Variants in ARK2C observed in about 807,000 individuals in gnomAD.
The protein encoded by ARK2C is arkadia (RNF111) C-terminal like ring finger ubiquitin ligase 2C, also known as E3 ubiquitin-protein ligase ARK2C.
chr18:46,423,896 C>T, the ARK2C span, among the ~76,000 whole-genome samples: 909 of 152,322 alleles, frequency 6.0e-3, 7 homozygotes, highest in African/African-American at 0.021. Flanking sequence ...TCCTTTCCCT[C>T]GTTCCTCCTT....
At chr18:46,443,211 TTTG>T in the ARK2C span, among the ~76,000 whole-genome samples, 2 of 152,308 alleles carry the variant, frequency 1.3e-5, no homozygotes, top group East Asian at 3.9e-4. Context: ...TTGTTGTCAT[TTTG>T]TTGTTTTTCT....
At chr18:46,391,972 C>T in the ARK2C span, among the ~76,000 whole-genome samples, 2 of 151,706 alleles carry the variant, frequency 1.3e-5, no homozygotes, top group Non-Finnish European at 2.9e-5. Context: ...ACACACCATA[C>T]ACAACACACC....
the ARK2C span, among the ~76,000 whole-genome samples, chr18:46,428,877 G>A: frequency 1.3e-5 from 2 of 152,082 alleles, no homozygotes; most frequent in Non-Finnish European, 2.9e-5. Flanking sequence ...TAATTCTGTT[G>A]GACAGTGCTG....
chr18:46,351,970 A>G, the ARK2C span, among the ~76,000 whole-genome samples: 3 of 152,180 alleles, frequency 2.0e-5, no homozygotes, highest in South Asian at 4.1e-4. Context: ...AGGGGTGGGT[A>G]TATTTCCTGG....
chr18:46,445,083 G>T, the ARK2C span, among the ~76,000 whole-genome samples: 3 of 151,494 alleles, frequency 2.0e-5, no homozygotes, highest in African/African-American at 7.3e-5. Flanking sequence ...CATTTTTTTG[G>T]CATATCTAGT....
At chr18:46,381,839 A>AT in the ARK2C span, among the ~76,000 whole-genome samples, 2 of 151,698 alleles carry the variant, frequency 1.3e-5, no homozygotes, top group Non-Finnish European at 2.9e-5. Context: ...TCAAAAAAAA[A>AT]AAGATGCTTA....
At chr18:46,433,725 C>T in the ARK2C span, among the ~76,000 whole-genome samples, 1 of 152,246 alleles carries the variant, frequency 6.6e-6, no homozygotes, top group Non-Finnish European at 1.5e-5. Flanking sequence ...GCATCCACTT[C>T]AGGCAGTGAG....
chr18:46,352,359 C>G, the ARK2C span, among the ~76,000 whole-genome samples: 1 of 152,162 alleles, frequency 6.6e-6, no homozygotes, highest in African/African-American at 2.4e-5. Context: ...TCATCCTGTC[C>G]CAAGCTTATT....
chr18:46,447,129 G>T, the ARK2C span, among the ~76,000 whole-genome samples: 1 of 152,176 alleles, frequency 6.6e-6, no homozygotes, highest in Admixed American at 6.5e-5. Flanking sequence ...TGGCCTGTAG[G>T]TCTAGGTGTA....
At chr18:46,427,928 G>A in the ARK2C span, among the ~76,000 whole-genome samples, 1 of 152,128 alleles carries the variant, frequency 6.6e-6, no homozygotes, top group Non-Finnish European at 1.5e-5. Flanking sequence ...GAGGAGACAC[G>A]GACCTTTCGA....
chr18:46,361,856 A>G, the ARK2C span, among the ~76,000 whole-genome samples: 1 of 152,184 alleles, frequency 6.6e-6, no homozygotes, highest in Non-Finnish European at 1.5e-5. Context: ...GCAAATGAGG[A>G]GGTTAGGTGA....
the ARK2C span, among the ~76,000 whole-genome samples, chr18:46,343,715 A>C: frequency 6.6e-6 from 1 of 152,200 alleles, no homozygotes; most frequent in Non-Finnish European, 1.5e-5. Context: ...AAGAGCTTCT[A>C]TTCCTATCAC....
chr18:46,362,575 G>A, the ARK2C span, among the ~76,000 whole-genome samples: 6 of 152,198 alleles, frequency 3.9e-5, no homozygotes, highest in Non-Finnish European at 8.8e-5. Flanking sequence ...AATAGATAGT[G>A]GCACAGCCAA....
the ARK2C span, chr18:46,456,013 G>A: frequency 1.2e-6 from 2 of 1,613,564 alleles, no homozygotes; most frequent in Non-Finnish European, 1.7e-6. Context: ...GGATGAGGGG[G>A]AGGAGTCAGA....
chr18:46,450,834 G>A, the ARK2C span: 3 of 1,505,408 alleles, frequency 2.0e-6, no homozygotes, highest in Non-Finnish European at 2.8e-6. Context: ...GCATAGTCAG[G>A]GAATGGGGCA....
chr18:46,413,435 CGCTCCCTGGGT>C, the ARK2C span, among the ~76,000 whole-genome samples: 3 of 152,186 alleles, frequency 2.0e-5, no homozygotes, highest in South Asian at 2.1e-4. Context: ...GATAGGTGAG[CGCTCCCTGGGT>C]TTGGAGTCCT....
the ARK2C span, among the ~76,000 whole-genome samples, chr18:46,385,288 G>A: frequency 1.3e-5 from 2 of 152,212 alleles, no homozygotes; most frequent in African/African-American, 2.4e-5. Flanking sequence ...AGCTCTCCTG[G>A]GAGATGAAAG....
At chr18:46,408,848 C>G in the ARK2C span, among the ~76,000 whole-genome samples, 1 of 152,210 alleles carries the variant, frequency 6.6e-6, no homozygotes, top group African/African-American at 2.4e-5. Flanking sequence ...GAGCCTTCAT[C>G]CCAGTGGTAC....
At chr18:46,461,784 T>C in the ARK2C span, 1 of 152,254 alleles carries the variant, frequency 6.6e-6, no homozygotes, top group African/African-American at 2.4e-5. Flanking sequence ...GGAGGGTTTT[T>C]GTCCTATAAT....
Sources: gnomAD v4.1 joint callset for allele counts (sites outside exome capture counted in the v4.1 genomes callset) on GRCh38, gnomAD v4.1.1 for gene constraint, MANE v1.5 for transcripts, NCBI Gene and HGNC (gene_info 2026-07-23, HGNC 2026-07-21) for gene names.